Variants in ACOX3 observed in about 807,000 individuals in gnomAD.
ACOX3 encodes the protein peroxisomal acyl-coenzyme A oxidase 3.
A neutral mutation model predicts 81.5 loss-of-function variants in ACOX3; 73 were observed. The ratio of observed to expected loss-of-function variants is 0.90; its 90% CI spans 0.74 to 1.09. The LOEUF (loss-of-function observed/expected upper bound fraction) is 1.09, where lower values mean the gene tolerates loss of function less well. Ranked by LOEUF, ACOX3 falls within the 50% of genes least tolerant of loss-of-function variation. The probability of loss-of-function intolerance (pLI) is 0.00; values close to 1 mark genes in which losing one functional copy is unlikely to be tolerated. For synonymous variants in ACOX3, 387 were observed against 375.1 expected (o/e 1.03, Z -0.37); for missense variants, 947 against 928.0 (o/e 1.02, Z -0.27).
rs1394967922 is a variant in ACOX3 at position 8,430,680 on chromosome 4, AC to A, written c.-15+9967del. On this transcript the variant is annotated intron_variant, in intron 1 of 17. Transcript: ENST00000356406. This position sits in a 1 kb window ranked among gnomAD's most constrained non-coding sequence, Gnocchi z 5.2. ...AGACCAGCCTGGCCAACATGGTGAA[AC>A]CCCATCTCTACTAAAAATACAAAAA... is the stretch of plus-strand genomic sequence containing the variant. 1.3e-5 allele frequency among the ~76,000 whole-genome samples: 2 copies of A among 152,136 alleles called. No individual in the cohort carries two copies. Among genetic ancestry groups the A allele is most frequent in the African/African-American group, 2.4e-5 (1 of 41,414 alleles).
At chr4:8,363,638 G>A (rs1030137833), downstream of ACOX3, among the ~76,000 whole-genome samples, 1 of 152,174 alleles carries the variant, frequency 6.6e-6, no homozygotes, top group African/African-American at 2.4e-5. Context: ...GTAAAATGAG[G>A]CTGAGACCTA....
rs553966981 is a variant in ACOX3 at position 8,419,293 on chromosome 4, G to A, written c.-14-2758C>T. Among the ~76,000 whole-genome samples the A allele has an allele frequency of 2.0e-4, 31 of 152,026 alleles. 2 individuals carry two copies. Among genetic ancestry groups the A allele is most frequent in the Admixed American group, 5.2e-4 (8 of 15,264 alleles). On this transcript the variant is annotated intron_variant, in intron 1 of 17. Coordinates refer to ENST00000356406, the MANE Select transcript of ACOX3 (RefSeq NM_003501.3). The surrounding 1 kb of genome is among the most constrained non-coding windows in gnomAD (Gnocchi z 4.2). Reference sequence around the variant, plus strand: ...TACTAAAAATACAAAAAAATTAGCCGGGCATGGTGGCAGGTGCCTATAGTC... The same window carrying A: ...TACTAAAAATACAAAAAAATTAGCCAGGCATGGTGGCAGGTGCCTATAGTC...
chr4:8,401,443 G>A lies in ACOX3; in HGVS notation c.777-1791C>T, dbSNP rs371337984. On this transcript the variant is annotated intron_variant, in intron 7 of 17. Transcript: ENST00000356406. Reference sequence around the variant, plus strand: ...CCCCATTGTCACCCGGTCCTGGGCTGCCAGCTCTGCTGTGCTGGCCCGATT... The same window carrying A: ...CCCCATTGTCACCCGGTCCTGGGCTACCAGCTCTGCTGTGCTGGCCCGATT... 1.1e-4 allele frequency among the ~76,000 whole-genome samples: 17 copies of A among 152,268 alleles called. No individual in the cohort carries two copies. In the East Asian group the frequency reaches 2.9e-3, roughly 26 times the overall value.
chr4:8,383,733 G>T (rs1036057567), intron 13 of ACOX3, among the ~76,000 whole-genome samples: 4 of 152,170 alleles, frequency 2.6e-5, no homozygotes, highest in African/African-American at 4.8e-5. Context: ...TACCCTTCAG[G>T]ACTTTACTGG....
Position 8,407,312 on chromosome 4 carries a change from T to A in ACOX3, c.688-1269A>T, listed in dbSNP as rs944763281. ...TATATAATCATATCTAAGATCTATA[T>A]CTGGTATTCTTATTTTATATTTTAT... On this transcript the variant is annotated intron_variant, in intron 6 of 17. Transcript: ENST00000356406. The surrounding 1 kb of genome is among the most constrained non-coding windows in gnomAD (Gnocchi z 4.6). Among the ~76,000 whole-genome samples, 2 of 152,208 alleles carry A rather than the reference T, an allele frequency of 1.3e-5. No homozygotes were observed. Among genetic ancestry groups the A allele is most frequent in the Admixed American group, 1.3e-4 (2 of 15,284 alleles).
rs1050067343 is a variant in ACOX3 at position 8,432,972 on chromosome 4, G to A, written c.-15+7676C>T. 2.6e-5 allele frequency among the ~76,000 whole-genome samples: 4 copies of A among 152,238 alleles called. No homozygotes were observed. In the East Asian group the frequency reaches 5.8e-4, roughly 22 times the overall value. ...AGCTGCACTCAAGTGTGGGTCAGTA[G>A]CCAAAAGTAACTACGGTATTGGACA... On this transcript the variant is annotated intron_variant, in intron 1 of 17. Transcript: ENST00000356406. The surrounding 1 kb of genome is among the most constrained non-coding windows in gnomAD (Gnocchi z 6.2).
chr4:8,371,608 C>A (rs1337332378), intron 16 of ACOX3, among the ~76,000 whole-genome samples: 1 of 152,216 alleles, frequency 6.6e-6, no homozygotes, highest in Non-Finnish European at 1.5e-5. Context: ...TGGGAGACAC[C>A]GCTAATGATA....
rs577304507 is a variant in ACOX3, at chr4:8,437,455, G to A, written c.-15+3193C>T. Among the ~76,000 whole-genome samples, 107 of 152,196 alleles carry A rather than the reference G, an allele frequency of 7.0e-4. No homozygotes were observed. Among genetic ancestry groups the A allele is most frequent in the Non-Finnish European group, 1.3e-3 (90 of 68,044 alleles). On this transcript the variant is annotated intron_variant, in intron 1 of 17. Coordinates refer to ENST00000356406, the MANE Select transcript of ACOX3 (RefSeq NM_003501.3). This position sits in a 1 kb window ranked among gnomAD's most constrained non-coding sequence, Gnocchi z 5.2. ...AAGAGAATCAGAAGAAAATGGGAGAGACAGCAGTGCGCGGGGGCAGGGCCT... is the reference window on the plus strand; with the variant it reads ...AAGAGAATCAGAAGAAAATGGGAGAAACAGCAGTGCGCGGGGGCAGGGCCT...
chr4:8,410,152 A>G (rs898393240), intron 6 of ACOX3, 60 bp downstream of exon 6: 7 of 1,569,340 alleles, frequency 4.5e-6, no homozygotes, highest in East Asian at 4.7e-5. Flanking sequence ...GACTCCAGAC[A>G]TTACCAGTGC....
Position 8,375,134 on chromosome 4 carries a change from A to G in ACOX3, c.1672T>C (p.Leu558=). 1.9e-6 allele frequency: 3 copies of G among 1,548,650 alleles called. No individual in the cohort carries two copies. The highest frequency in any genetic ancestry group is 2.6e-6 in the Non-Finnish European group (3 of 1,144,818). The part of the protein sequence containing the change: ...NKCQVSHGRP[L]ALAFVELTVV... ...GTGAGCTCCACGAAGGCCAGCGCCA[A>G]CGGACGGCCGTGGGACACCTGGAAC... The change falls in exon 15 of 18, where the codon TTG becomes CTG. Residue 558 remains leucine (L), a synonymous_variant. Transcript: ENST00000356406.
intron 1 of ACOX3, among the ~76,000 whole-genome samples, chr4:8,426,668 AG>A (rs1376621091): frequency 6.6e-6 from 1 of 151,986 alleles, no homozygotes; most frequent in African/African-American, 2.4e-5. Context: ...GTTTTTCTAA[AG>A]GAAACCCCAC....
intron 1 of ACOX3, among the ~76,000 whole-genome samples, chr4:8,435,544 C>T (rs1373069436): frequency 6.6e-6 from 1 of 151,772 alleles, no homozygotes; most frequent in Non-Finnish European, 1.5e-5. Context: ...TGTTGGATGG[C>T]CCACCGAAGG....
At position 8,406,167 on chromosome 4, in the gene ACOX3, C is replaced by T. The variant is rs982870004; in HGVS notation, c.688-124G>A. 1 of 858,102 alleles carries T rather than the reference C, an allele frequency of 1.2e-6. No homozygotes were observed. Among genetic ancestry groups the T allele is most frequent in the Non-Finnish European group, 1.9e-6 (1 of 521,522 alleles). The allele number at this position is 858,102 out of a possible 1,614,324, so 53.2% of individuals were successfully genotyped here. On this transcript the variant is annotated intron_variant, in intron 6 of 17. Coordinates refer to ENST00000356406, the MANE Select transcript of ACOX3 (RefSeq NM_003501.3). This position sits in a 1 kb window ranked among gnomAD's most constrained non-coding sequence, Gnocchi z 5.6. The stretch of plus-strand genomic sequence containing the variant: ...AACGCTGGGCGGCTGTGGGTTAAAC[C>T]ATCCTCCAGAAATGATACATCCAAG...
intron 16 of ACOX3, 73 bp from the exon 17 acceptor site, chr4:8,371,067 G>A (rs140364239): frequency 9.7e-6 from 14 of 1,442,484 alleles, no homozygotes; most frequent in African/African-American, 5.6e-5. Context: ...TAACAGCCCC[G>A]TGTGTGGTTG....
rs564107648 is a variant in ACOX3 at position 8,373,466 on chromosome 4, G to A, written c.1896+95C>T. 3.5e-4 allele frequency: 464 copies of A among 1,310,886 alleles called. 1 individual carries two copies. Among genetic ancestry groups the A allele is most frequent in the Non-Finnish European group, 4.4e-4 (409 of 931,200 alleles). 81.2% of individuals were successfully genotyped at this position (1,310,886 alleles called of 1,614,324 possible). A position where few individuals can be genotyped will look rare whatever the true frequency, so the allele number is the denominator to read the frequency against. ...TGTCAGTCTGGGTGATACTAAGGCG[G>A]TGCGTGTCGGTCTGGGTGATGCTAA... On this transcript the variant is annotated intron_variant, in intron 16 of 17. Coordinates refer to ENST00000356406, the MANE Select transcript of ACOX3 (RefSeq NM_003501.3).
At chr4:8,393,844 C>G (rs1308551621) in intron 10 of ACOX3, among the ~76,000 whole-genome samples, 7 of 152,294 alleles carry the variant, frequency 4.6e-5, no homozygotes, top group Middle Eastern at 3.4e-3. Flanking sequence ...CACTGACTCA[C>G]GCTCCAGGGA....
At chr4:8,367,875 C>T (rs757174648) in intron 17 of ACOX3, among the ~76,000 whole-genome samples, 2 of 137,490 alleles carry the variant, frequency 1.5e-5, no homozygotes, top group South Asian at 5.2e-4. Context: ...ACCTGTAGTT[C>T]TAGCTACTTG....
At position 8,432,867 on chromosome 4, in the gene ACOX3, A is replaced by C. The variant is rs1468371613; in HGVS notation, c.-15+7781T>G. 6.6e-6 allele frequency among the ~76,000 whole-genome samples: 1 copy of C among 152,234 alleles called. No homozygotes were observed. The highest frequency in any genetic ancestry group is 2.4e-5 in the African/African-American group (1 of 41,462). ...TTGTTCAACAGTAGCCCCTAGCCTC[A>C]TGTGGCTACTTAAATGTGCAGCAGT... On this transcript the variant is annotated intron_variant, in intron 1 of 17. Coordinates refer to ENST00000356406, the MANE Select transcript of ACOX3 (RefSeq NM_003501.3). This position sits in a 1 kb window ranked among gnomAD's most constrained non-coding sequence, Gnocchi z 6.2.
intron 14 of ACOX3, among the ~76,000 whole-genome samples, chr4:8,378,306 C>T (rs1041897904): frequency 6.6e-6 from 1 of 152,240 alleles, no homozygotes; most frequent in Non-Finnish European, 1.5e-5. Context: ...GCTGGGGGAC[C>T]TTGGGCATTT....
Sources: gnomAD v4.1 joint callset for allele counts (sites outside exome capture counted in the v4.1 genomes callset) on GRCh38, gnomAD v4.1.1 for gene constraint, Gnocchi (gnomAD v3.1) non-coding constraint, MANE v1.5 for transcripts, NCBI Gene and HGNC (gene_info 2026-07-23, HGNC 2026-07-21) for gene names.